Variants in TFR2 observed in about 807,000 individuals in gnomAD.
TFR2 encodes the protein transferrin receptor 2.
A neutral mutation model predicts 91.9 loss-of-function variants in TFR2; 64 were observed. That is an observed-to-expected ratio of 0.70 (90% confidence interval 0.57 to 0.86). TFR2 has a LOEUF of 0.86. Among genes scored for constraint, TFR2 ranks in the 40% least tolerant of loss-of-function variants. The pLI is 0.00. For synonymous variants in TFR2, 454 were observed against 459.6 expected, an observed-to-expected ratio of 0.99 and a Z score of 0.15; for missense variants, 950 against 1,080.5, an observed-to-expected ratio of 0.88 and a Z score of 1.69.
rs1803682215 is a variant in TFR2 at position 100,640,805 on chromosome 7, G to C, written c.354C>G (p.Val118=). The change falls in exon 3 of 18, where the codon GTC becomes GTG. Residue 118 remains valine, a synonymous_variant. Coordinates refer to ENST00000223051, the MANE Select transcript of TFR2 (RefSeq NM_003227.4). ...CQACGDSVLV[V]SEDVNYEPDL... ...CAGGCTCATAGTTGACATCCTCACT[G>C]ACCACCAACACAGAGTCTCCGCACG... 2 of 1,614,156 alleles carry C rather than the reference G, an allele frequency of 1.2e-6. No individual in the cohort carries two copies. Among genetic ancestry groups the C allele is most frequent in the Non-Finnish European group, 1.7e-6 (2 of 1,180,036 alleles).
In TFR2 at chr7:100,630,933, G is replaced by C; in HGVS notation, c.1226C>G (p.Pro409Arg). Residue 409 changes from proline (P) to arginine (R), a missense_variant, in exon 9 of 18, where the codon CCC becomes CGC. Physicochemically the swap from Pro to Arg is moderately radical, Grantham distance 103. Coordinates refer to ENST00000223051, the MANE Select transcript of TFR2 (RefSeq NM_003227.4). ...GATGCAGCCGAAGATGTTGTTGATG[G>C]GGGTGGAGGTCCTGTGATTGTTGAC... ...LVVNNHRTST[P>R]INNIFGCIEG... The C allele has an allele frequency of 6.2e-7, 1 of 1,613,266 alleles. No individual in the cohort carries two copies. Among genetic ancestry groups the C allele is most frequent in the Non-Finnish European group, 8.5e-7 (1 of 1,179,872 alleles).
At chr7:100,629,532 C>T (rs901198924) in intron 9 of TFR2, among the ~76,000 whole-genome samples, 160 bp from the exon 10 acceptor site, 5 of 152,278 alleles carry the variant, frequency 3.3e-5, no homozygotes, top group South Asian at 2.1e-4. Flanking sequence ...CTTGGCCCTT[C>T]CTGGATGGTG....
rs41303456 is a variant in TFR2, at chr7:100,633,951, G to A, written c.474-395C>T. 3.5e-3 allele frequency among the ~76,000 whole-genome samples: 538 copies of A among 151,784 alleles called. 6 individuals carry two copies. Among genetic ancestry groups the A allele is most frequent in the African/African-American group, 0.013 (519 of 41,388 alleles). ...TCAAACTCCTGATCTCAGGTGATCTGCCCGCCTCGGCCTCCCAAAGTGCTG... is the reference window on the plus strand; with the variant it reads ...TCAAACTCCTGATCTCAGGTGATCTACCCGCCTCGGCCTCCCAAAGTGCTG... On this transcript the variant is annotated intron_variant, in intron 3 of 17. Transcript: ENST00000223051.
intron 17 of TFR2, among the ~76,000 whole-genome samples, chr7:100,625,635 G>A (rs1470065276): frequency 6.6e-6 from 1 of 152,172 alleles, no homozygotes; most frequent in African/African-American, 2.4e-5. Flanking sequence ...TGTAACCCCA[G>A]CAATTTGGGA....
At chr7:100,621,168 C>G in intron 17 of TFR2, 42 bp from the exon 18 acceptor site, 1 of 1,449,170 alleles carries the variant, frequency 6.9e-7, no homozygotes, top group Non-Finnish European at 9.1e-7. Flanking sequence ...GGGGCTCTGG[C>G]TCGGGAGCAA....
At chr7:100,639,154 T>TTAC (rs747935854) in intron 3 of TFR2, among the ~76,000 whole-genome samples, 1 of 152,276 alleles carries the variant, frequency 6.6e-6, no homozygotes, top group East Asian at 1.9e-4. Flanking sequence ...TCGCTTGAGC[T>TTAC]TACGAGTTGG....
chr7:100,626,815 G>C lies in TFR2; in HGVS notation c.2084C>G (p.Ser695Trp). The C allele has an allele frequency of 1.3e-6, 2 of 1,549,300 alleles. No homozygotes were observed. The highest frequency in any genetic ancestry group is 1.4e-5 in the African/African-American group (1 of 73,160). Residue 695 changes from serine (S) to tryptophan (W), a missense_variant, in exon 17 of 18, where the codon TCG becomes TGG. Coordinates refer to ENST00000223051, the MANE Select transcript of TFR2 (RefSeq NM_003227.4). The part of the protein sequence containing the change: ...AEKLRQEIYS[S>W]EERDERLTRM... ...TGTCAGTCGCTCGTCTCTCTCCTCC[G>C]AGCTGTAGATCTCCTGCCGCAGCTT...
intron 3 of TFR2, among the ~76,000 whole-genome samples, chr7:100,634,400 T>G (rs1237762417): frequency 6.6e-6 from 1 of 151,870 alleles, no homozygotes; most frequent in Non-Finnish European, 1.5e-5. Flanking sequence ...GGACTACAGG[T>G]GTACGCCACC....
intron 3 of TFR2, among the ~76,000 whole-genome samples, chr7:100,634,367 C>T (rs572107605): frequency 2.6e-5 from 4 of 152,230 alleles, no homozygotes; most frequent in East Asian, 1.9e-4. Context: ...GCCATCCTCC[C>T]GCCTCAGCCT....
chr7:100,636,595 C>T (rs1803575411), intron 3 of TFR2, among the ~76,000 whole-genome samples: 2 of 152,122 alleles, frequency 1.3e-5, no homozygotes, highest in South Asian at 4.2e-4. Flanking sequence ...CTGAGATAGA[C>T]AGGATATATT....
At position 100,620,802 on chromosome 7, in the gene TFR2, C is replaced by G. The variant is rs986107376; in HGVS notation, c.*55G>C. ...CCTCCCTGACCCTGAATCATTCAAG[C>G]GAGGAGCAGAGGAGCTCTTGACTGG... is the stretch of plus-strand genomic sequence containing the variant. On this transcript the variant is annotated 3_prime_UTR_variant, in exon 18 of 18. Coordinates refer to ENST00000223051, the MANE Select transcript of TFR2 (RefSeq NM_003227.4). 2.5e-6 allele frequency: 4 copies of G among 1,609,320 alleles called. No homozygotes were observed. The African/African-American group carries it at 4.0e-5, about 16-fold the overall frequency.
intron 17 of TFR2, 87 bp from the exon 18 acceptor site, chr7:100,621,213 T>A: frequency 7.2e-7 from 1 of 1,383,586 alleles, no homozygotes; most frequent in Non-Finnish European, 9.5e-7. Flanking sequence ...GCCAGTCTTT[T>A]TGTTTTTTTG....
Position 100,620,957 on chromosome 7 carries a change from T to C in TFR2, c.2306A>G (p.Glu769Gly), listed in dbSNP as rs1803086750. Residue 769 changes from glutamate (E) to glycine (G), a missense_variant, in exon 18 of 18, where the codon GAG becomes GGG. By Grantham distance (98) the Glu-to-Gly change is moderately conservative (BLOSUM62 -2). Transcript: ENST00000223051. The stretch of plus-strand genomic sequence containing the variant: ...GGCTAGCTGACGCCGGAAACGGCTC[T>C]CCTGGAAGCCAGTGGAGGAGGTGGC... ...PGATSSTGFQ[E>G]SRFRRQLALL... The C allele has an allele frequency of 6.2e-7, 1 of 1,613,592 alleles. No individual in the cohort carries two copies. The highest frequency in any genetic ancestry group is 8.5e-7 in the Non-Finnish European group (1 of 1,179,846).
At chr7:100,628,553 C>G (rs1404373125) in intron 10 of TFR2, among the ~76,000 whole-genome samples, 2 of 152,024 alleles carry the variant, frequency 1.3e-5, no homozygotes, top group African/African-American at 4.8e-5. Context: ...GCATGCACCA[C>G]TAAGTCCAGC....
Position 100,627,590 on chromosome 7 carries a change from A to G in TFR2, c.1754T>C (p.Phe585Ser). 6.2e-7 allele frequency: 1 copy of G among 1,614,084 alleles called. No homozygotes were observed. The highest frequency in any genetic ancestry group is 8.5e-7 in the Non-Finnish European group (1 of 1,179,976). Residue 585 changes from phenylalanine (F) to serine (S), a missense_variant, in exon 15 of 18, where the codon TTC (phenylalanine) becomes TCC (serine). Coordinates refer to ENST00000223051, the MANE Select transcript of TFR2 (RefSeq NM_003227.4). ...TAFVGVPAVEFSFMEDDQAYP... is the reference protein window; with the variant it reads ...TAFVGVPAVESSFMEDDQAYP... ...AGGACGTCTCACCTCCATAAAGGAG[A>G]ACTCGACGGCAGGGACTCCCACAAA...
At position 100,640,701 on chromosome 7, in the gene TFR2, A is replaced by G. The variant is rs201540656; in HGVS notation, c.458T>C (p.Leu153Pro). ...CCATCCCTACCTGATGGTGTCCTCC[A>G]GGCGCCCCTCCCCCAGGAACTGCAG... ...MFLQFLGEGRLEDTIRQTSLR... is the reference protein window; with the variant it reads ...MFLQFLGEGRPEDTIRQTSLR... Residue 153 changes from leucine to proline, a missense_variant, in exon 3 of 18, where the codon CTG becomes CCG. Coordinates refer to ENST00000223051, the MANE Select transcript of TFR2 (RefSeq NM_003227.4). 88 of 1,612,946 alleles carry G rather than the reference A, an allele frequency of 5.5e-5. No individual in the cohort carries two copies. The highest frequency in any genetic ancestry group is 7.4e-5 in the Non-Finnish European group (87 of 1,179,774).
chr7:100,634,019 C>T (rs1803525173), intron 3 of TFR2, among the ~76,000 whole-genome samples: 1 of 151,824 alleles, frequency 6.6e-6, no homozygotes. Context: ...TCCGCGGACC[C>T]ATTTTCTCCC....
Position 100,629,272 on chromosome 7 carries a change from A to G in TFR2, c.1371T>C (p.Phe457=), listed in dbSNP as rs148855326. Residue 457 remains phenylalanine (F), a synonymous_variant, in exon 10 of 18, where the codon TTT becomes TTC. Transcript: ENST00000223051. ...TAILLELVRT[F]SSMVSNGFRP... is the part of the protein sequence containing the mutation. ...CCTTACCGTTGCTCACCATGGAGGA[A>G]AAGGTCCGCACCAGCTCCAGGAGTA... The G allele has an allele frequency of 1.2e-6, 2 of 1,613,920 alleles. No individual in the cohort carries two copies. Among genetic ancestry groups the G allele is most frequent in the Non-Finnish European group, 1.7e-6 (2 of 1,179,844 alleles).
rs780726103 is a variant in TFR2, at chr7:100,631,876, C to T, written c.1036G>A (p.Val346Ile). 6.2e-7 allele frequency: 1 copy of T among 1,613,962 alleles called. No homozygotes were observed. The highest frequency in any genetic ancestry group is 8.5e-7 in the Non-Finnish European group (1 of 1,180,008). The change falls in exon 8 of 18, where the codon GTT becomes ATT. Residue 346 changes from valine to isoleucine, a missense_variant. By Grantham distance (29) the Val-to-Ile change is conservative. Transcript: ENST00000223051. The part of the protein sequence containing the change: ...PSFNQTQFPP[V>I]ASSGLPSIPA... ...ATGCTGGGAAGGCCTGATGATGCAA[C>T]TGGAGGGAACTGGGTTTGATTGAAG...
Sources: allele counts gnomAD v4.1 joint callset (sites outside exome capture counted in the v4.1 genomes callset), GRCh38; gene constraint gnomAD v4.1.1; transcripts MANE v1.5; gene names NCBI Gene and HGNC (gene_info 2026-07-23, HGNC 2026-07-21).